Variants in GSTCD observed in about 807,000 individuals in gnomAD.
GSTCD encodes glutathione S-transferase C-terminal domain containing.
Under a neutral mutation model 68.3 loss-of-function variants are expected in GSTCD, and 44 were observed. The observed-to-expected ratio is 0.64, with a 90% CI of 0.51 to 0.83. GSTCD has a LOEUF of 0.83. Among genes scored for constraint, GSTCD ranks in the 40% least tolerant of loss-of-function variants. The pLI is 0.00. For missense variants in GSTCD, 739 were observed against 735.9 expected (o/e 1.00, Z -0.05); for synonymous variants, 273 against 255.2 (o/e 1.07, Z -0.67).
At chr4:105,732,342 G>A (rs1405438627) in intron 5 of GSTCD, among the ~76,000 whole-genome samples, 1 of 152,110 alleles carries the variant, frequency 6.6e-6, no homozygotes, top group Non-Finnish European at 1.5e-5. Context: ...TGGTTGGTAG[G>A]CTATTAATTA....
chr4:105,737,983 C>T (rs1465016084), intron 5 of GSTCD, among the ~76,000 whole-genome samples: 61 of 152,192 alleles, frequency 4.0e-4, no homozygotes, highest in Non-Finnish European at 2.9e-5. Flanking sequence ...AGCCTGGTAC[C>T]TCCTCTACTC....
intron 5 of GSTCD, among the ~76,000 whole-genome samples, chr4:105,817,769 T>A (rs896177842): frequency 1.3e-5 from 2 of 151,932 alleles, no homozygotes; most frequent in Non-Finnish European, 2.9e-5. Context: ...TTTTGAAGTC[T>A]ACTTACACAG....
intron 5 of GSTCD, among the ~76,000 whole-genome samples, chr4:105,737,551 G>T (rs143290762): frequency 1.1e-3 from 166 of 152,198 alleles, no homozygotes; most frequent in Non-Finnish European, 1.5e-3. Context: ...ATAAAAACTT[G>T]CCCAGTCCAA....
chr4:105,755,090 A>T (rs939252418), intron 5 of GSTCD, among the ~76,000 whole-genome samples: 14 of 89,664 alleles, frequency 1.6e-4, no homozygotes, highest in African/African-American at 5.2e-4. Flanking sequence ...AAAAAAAAAA[A>T]AAAAAAAAAT....
At chr4:105,774,816 A>G (rs1462524965) in intron 5 of GSTCD, among the ~76,000 whole-genome samples, 1 of 151,978 alleles carries the variant, frequency 6.6e-6, no homozygotes, top group East Asian at 1.9e-4. Flanking sequence ...GGTGAATCTG[A>G]TGATTATGTG....
Position 105,719,170 on chromosome 4 carries a change from A to G in GSTCD, c.537A>G (p.Leu179=). Residue 179 remains leucine, a synonymous_variant, in exon 3 of 12, where the codon CTA becomes CTG. Transcript: ENST00000515279. ...PPTIPVEILQ[L]EKKLSEPVRV... is the part of the protein sequence containing the mutation. ...CTATACCTGTAGAAATACTACAGCT[A>G]GAGAAAAAGCTTAGTGAGCCTGTTA... The G allele has an allele frequency of 2.5e-6, 4 of 1,614,108 alleles. No individual in the cohort carries two copies. The highest frequency in any genetic ancestry group is 3.4e-6 in the Non-Finnish European group (4 of 1,179,976).
At chr4:105,816,695 A>G (rs977171212) in intron 5 of GSTCD, among the ~76,000 whole-genome samples, 2 of 152,068 alleles carry the variant, frequency 1.3e-5, no homozygotes, top group Non-Finnish European at 2.9e-5. Flanking sequence ...ACGCATATGA[A>G]AAAGACACCA....
At chr4:105,783,269 G>C (rs1735347651) in intron 5 of GSTCD, among the ~76,000 whole-genome samples, 1 of 151,752 alleles carries the variant, frequency 6.6e-6, no homozygotes, top group Non-Finnish European at 1.5e-5. Context: ...TTCTTTTTTT[G>C]TTTCCATTCT....
intron 5 of GSTCD, among the ~76,000 whole-genome samples, chr4:105,773,238 C>A (rs1734925313): frequency 6.6e-6 from 1 of 150,402 alleles, no homozygotes; most frequent in Non-Finnish European, 1.5e-5. Context: ...CTGTTTGATT[C>A]TTCTCACTTT....
At chr4:105,720,854 C>T (rs776098445) in intron 3 of GSTCD, among the ~76,000 whole-genome samples, 5 of 152,072 alleles carry the variant, frequency 3.3e-5, no homozygotes, top group East Asian at 1.9e-4. Context: ...CCAGTTTCAC[C>T]AGAATTGAAT....
At chr4:105,820,887 A>T (rs1313485561) in intron 5 of GSTCD, among the ~76,000 whole-genome samples, 1 of 151,914 alleles carries the variant, frequency 6.6e-6, no homozygotes, top group Non-Finnish European at 1.5e-5. Flanking sequence ...TCTAATAAAA[A>T]TGTGGTATAG....
At chr4:105,727,296 G>C (rs1311646279) in intron 4 of GSTCD, among the ~76,000 whole-genome samples, 1 of 151,948 alleles carries the variant, frequency 6.6e-6, no homozygotes, top group Non-Finnish European at 1.5e-5. Flanking sequence ...GACTGAGGCA[G>C]GTGGATCACT....
intron 5 of GSTCD, among the ~76,000 whole-genome samples, chr4:105,747,502 C>T (rs1163190922): frequency 6.6e-6 from 1 of 152,208 alleles, no homozygotes; most frequent in Non-Finnish European, 1.5e-5. Flanking sequence ...CAATATAATG[C>T]ATGCACTGGC....
chr4:105,741,612 G>A lies in GSTCD; in HGVS notation c.1240+12113G>A, dbSNP rs561801545. On this transcript the variant is annotated intron_variant, in intron 5 of 11. Transcript: ENST00000515279. ...GACAAAATAATATTTTCACTTATTA[G>A]TATGAGCAATCAATTACATCAGCTA... 1.3e-5 allele frequency among the ~76,000 whole-genome samples: 2 copies of A among 152,194 alleles called. 1 individual carries two copies. The highest frequency in any genetic ancestry group is 3.9e-4 in the East Asian group (2 of 5,178).
At chr4:105,736,245 A>G (rs1470112251) in intron 5 of GSTCD, among the ~76,000 whole-genome samples, 1 of 151,898 alleles carries the variant, frequency 6.6e-6, no homozygotes, top group Non-Finnish European at 1.5e-5. Context: ...TGTTGACTTT[A>G]TTTCTGGTAC....
chr4:105,773,043 T>C (rs1388027940), intron 5 of GSTCD, among the ~76,000 whole-genome samples: 1 of 152,324 alleles, frequency 6.6e-6, no homozygotes, highest in East Asian at 1.9e-4. Flanking sequence ...GAACTTGTTA[T>C]TGGTCTATTC....
intron 3 of GSTCD, among the ~76,000 whole-genome samples, chr4:105,722,063 A>G (rs1265043481): frequency 2.6e-5 from 4 of 152,182 alleles, no homozygotes; most frequent in African/African-American, 9.6e-5. Flanking sequence ...TTGTACGCCT[A>G]TAAGACAGAA....
intron 5 of GSTCD, among the ~76,000 whole-genome samples, chr4:105,780,803 A>AT (rs1435932703): frequency 3.9e-5 from 6 of 152,220 alleles, no homozygotes; most frequent in Non-Finnish European, 7.3e-5. Flanking sequence ...TATATACTAT[A>AT]TCCCTATAAT....
At chr4:105,813,333 A>G (rs922022613) in intron 5 of GSTCD, among the ~76,000 whole-genome samples, 2 of 152,212 alleles carry the variant, frequency 1.3e-5, no homozygotes, top group Non-Finnish European at 2.9e-5. Flanking sequence ...AAAATCTAAA[A>G]TGCTCCAAAA....
Sources: allele counts gnomAD v4.1 joint callset (sites outside exome capture counted in the v4.1 genomes callset), GRCh38; gene constraint gnomAD v4.1.1; transcripts MANE v1.5; gene names NCBI Gene and HGNC (gene_info 2026-07-23, HGNC 2026-07-21).